ANXA13: variants seen among roughly 807,000 people sequenced by gnomAD.
ANXA13 encodes the protein annexin A13.
ANXA13 carries 36 observed loss-of-function variants against 46.6 expected under a neutral mutation model. That is an observed-to-expected ratio of 0.77 (90% CI 0.59 to 1.02). The LOEUF (loss-of-function observed/expected upper bound fraction) is 1.02. ANXA13 is among the 50% of genes least tolerant of loss of function. The pLI is 0.00. For synonymous variants in ANXA13, 163 were observed against 152.9 expected (o/e 1.07, Z -0.49); for missense variants, 417 against 396.5 (o/e 1.05, Z -0.44).
intron 3 of ANXA13, among the ~76,000 whole-genome samples, chr8:123,701,280 A>C (rs1460964572): frequency 1.3e-5 from 2 of 152,146 alleles, no homozygotes; most frequent in African/African-American, 4.8e-5. Context: ...GACTAGCCTG[A>C]CCAAAATTAA....
At chr8:123,728,453 C>A (rs1202277812) in intron 1 of ANXA13, 1 of 152,152 alleles carries the variant, frequency 6.6e-6, no homozygotes, top group African/African-American at 2.4e-5. Flanking sequence ...CCATTTCCTT[C>A]TTATATTGCC....
intron 2 of ANXA13, among the ~76,000 whole-genome samples, chr8:123,709,691 C>T (rs1015982819): frequency 2.0e-5 from 3 of 152,186 alleles, no homozygotes; most frequent in African/African-American, 7.2e-5. Flanking sequence ...CCAATCCCAA[C>T]TCCTGCAGAC....
At position 123,693,862 on chromosome 8, in the gene ANXA13, A is replaced by G. The variant is rs1476555146; in HGVS notation, c.472-83T>C. 7.0e-6 allele frequency: 9 copies of G among 1,278,740 alleles called. No homozygotes were observed. In the African/African-American group the frequency reaches 1.3e-4, roughly 19 times the overall value. The allele number at this position is 1,278,740 out of a possible 1,614,324, so 79.2% of individuals were successfully genotyped here. A position where few individuals can be genotyped will look rare whatever the true frequency, so the allele number is the denominator to read the frequency against. ...ACTAACAAAAAAAACAAAGTCCTGG[A>G]GAAAGAGGTGAATTCTTTCTCAGCT... On this transcript the variant is annotated intron_variant, in intron 6 of 10. Transcript: ENST00000419625.
At chr8:123,707,951 AACCTGGAC>A (rs1434183370) in intron 2 of ANXA13, among the ~76,000 whole-genome samples, 1 of 152,196 alleles carries the variant, frequency 6.6e-6, no homozygotes, top group African/African-American at 2.4e-5. Context: ...GCCCAGCAAC[AACCTGGAC>A]GTCGGGGGAG....
At chr8:123,713,490 G>A (rs1210074077) in intron 1 of ANXA13, among the ~76,000 whole-genome samples, 4 of 152,034 alleles carry the variant, frequency 2.6e-5, no homozygotes, top group Non-Finnish European at 4.4e-5. Flanking sequence ...TCTTAAAAAG[G>A]AAATTTTTGT....
intron 4 of ANXA13, among the ~76,000 whole-genome samples, 179 bp from the exon 5 acceptor site, chr8:123,695,900 C>A (rs6983588): frequency 0.13 from 18,414 of 143,614 alleles, 1,448 homozygotes; most frequent in African/African-American, 0.23. Context: ...GGAGATGTGA[C>A]GGCCCGCCCC....
rs1813270697 is a variant in ANXA13, at chr8:123,693,178, C to T, written c.642+19G>A. On this transcript the variant is annotated intron_variant, in intron 8 of 10. Transcript: ENST00000419625. ...CACTTTCAGAGTGAACTCTTTTGCC[C>T]CAATACTTTATGACTTACAATTTGA... 1.2e-6 allele frequency: 2 copies of T among 1,608,090 alleles called. No individual in the cohort carries two copies. The highest frequency in any genetic ancestry group is 1.7e-6 in the Non-Finnish European group (2 of 1,174,910).
chr8:123,735,253 C>T (rs915406380), intron 1 of ANXA13, among the ~76,000 whole-genome samples: 1 of 152,124 alleles, frequency 6.6e-6, no homozygotes, highest in African/African-American at 2.4e-5. Context: ...TGACTTATAA[C>T]ATTATCATTT....
At chr8:123,688,141 A>G (rs1813172680) in intron 9 of ANXA13, among the ~76,000 whole-genome samples, 1 of 152,184 alleles carries the variant, frequency 6.6e-6, no homozygotes, top group Admixed American at 6.5e-5. Flanking sequence ...ATCTTGAATT[A>G]TAGCTCCCAC....
intron 8 of ANXA13, among the ~76,000 whole-genome samples, chr8:123,689,996 T>G (rs1813204743): frequency 6.6e-6 from 1 of 152,200 alleles, no homozygotes; most frequent in Non-Finnish European, 1.5e-5. Flanking sequence ...CCCTGTTGCT[T>G]GATCTCCTAG....
At chr8:123,724,620 G>T (rs1813947356) in intron 1 of ANXA13, among the ~76,000 whole-genome samples, 1 of 152,204 alleles carries the variant, frequency 6.6e-6, no homozygotes, top group Admixed American at 6.5e-5. Flanking sequence ...AAGAGGTTTA[G>T]CATGAAATCT....
At chr8:123,683,763 T>G (rs1054090877) in intron 10 of ANXA13, among the ~76,000 whole-genome samples, 1 of 152,028 alleles carries the variant, frequency 6.6e-6, no homozygotes, top group African/African-American at 2.4e-5. Flanking sequence ...ATTTTTGTAT[T>G]TTTAGTAGTG....
At chr8:123,724,836 G>A (rs1206512356) in intron 1 of ANXA13, among the ~76,000 whole-genome samples, 3 of 152,160 alleles carry the variant, frequency 2.0e-5, no homozygotes, top group East Asian at 1.9e-4. Context: ...ACCATATCTG[G>A]CCCATTACTT....
chr8:123,692,064 C>T (rs1813253593), intron 8 of ANXA13, among the ~76,000 whole-genome samples: 1 of 152,180 alleles, frequency 6.6e-6, no homozygotes. Flanking sequence ...GGAGCAGGCC[C>T]TAAAGGCTTA....
At chr8:123,735,126 A>C (rs1343254055) in intron 1 of ANXA13, among the ~76,000 whole-genome samples, 9 of 152,028 alleles carry the variant, frequency 5.9e-5, no homozygotes, top group African/African-American at 1.7e-4. Flanking sequence ...AAAAAAAAAA[A>C]AAAACAAACC....
chr8:123,706,881 C>T (rs899357130), intron 2 of ANXA13, among the ~76,000 whole-genome samples: 12 of 152,224 alleles, frequency 7.9e-5, no homozygotes, highest in Admixed American at 3.3e-4. Context: ...ACAAACAACA[C>T]TTTCTTTCTT....
intron 2 of ANXA13, among the ~76,000 whole-genome samples, chr8:123,709,902 G>C (rs1813623634): frequency 6.6e-6 from 1 of 152,116 alleles, no homozygotes; most frequent in Non-Finnish European, 1.5e-5. Flanking sequence ...GGGACTACGG[G>C]TGTGCACCAC....
Position 123,699,390 on chromosome 8 carries a change from C to T in ANXA13, c.187-831G>A, listed in dbSNP as rs183784809. Among the ~76,000 whole-genome samples, 613 of 151,938 alleles carry T rather than the reference C, an allele frequency of 4.0e-3. 7 individuals are homozygous for T. The highest frequency in any genetic ancestry group is 0.014 in the African/African-American group (577 of 41,404). ...TAGAGATGGGGTTTTGCCATGTTGT[C>T]CAGGCTAATCTCAAACTCCTAGGCT... On this transcript the variant is annotated intron_variant, in intron 3 of 10. Coordinates refer to ENST00000419625, the MANE Select transcript of ANXA13 (RefSeq NM_004306.4).
intron 1 of ANXA13, among the ~76,000 whole-genome samples, chr8:123,719,917 A>G (rs949067776): frequency 2.6e-5 from 4 of 152,184 alleles, no homozygotes; most frequent in Non-Finnish European, 4.4e-5. Flanking sequence ...TGTGCGGTGT[A>G]GATGCATTCG....
Sources: gnomAD v4.1 joint callset for allele counts (sites outside exome capture counted in the v4.1 genomes callset) on GRCh38, gnomAD v4.1.1 for gene constraint, MANE v1.5 for transcripts, NCBI Gene and HGNC (gene_info 2026-07-23, HGNC 2026-07-21) for gene names.